Variants in RAPGEF1 observed in about 807,000 individuals in gnomAD.
The protein encoded by RAPGEF1 is CRK SH3-binding GNRP.
A neutral mutation model predicts 143.3 loss-of-function variants in RAPGEF1; 33 were observed. That is an observed-to-expected ratio of 0.23 (90% confidence interval 0.17 to 0.31). RAPGEF1 has a LOEUF of 0.31. Among genes scored for constraint, RAPGEF1 ranks in the 10% least tolerant of loss-of-function variants. The pLI is 1.00. For synonymous variants in RAPGEF1, 629 were observed against 676.5 expected (o/e 0.93, Z 1.09); for missense variants, 1,199 against 1,645.4 (o/e 0.73, Z 4.69).
chr9:131,643,493 T>A, intron 3 of RAPGEF1, 76 bp from the exon 4 acceptor site: 1 of 1,373,978 alleles, frequency 7.3e-7, no homozygotes, highest in Non-Finnish European at 9.8e-7. Context: ...AGGAACATTT[T>A]CTTTAAACCA....
At chr9:131,586,257 A>AACACAC (rs55722149) in intron 22 of RAPGEF1, among the ~76,000 whole-genome samples, 21,172 of 91,170 alleles carry the variant, frequency 0.23, 3,186 homozygotes, top group East Asian at 0.33. Flanking sequence ...CTCTGTCTCA[A>AACACAC]ACACACACAC....
At chr9:131,732,635 C>T (rs945144068) in intron 1 of RAPGEF1, among the ~76,000 whole-genome samples, 7 of 152,200 alleles carry the variant, frequency 4.6e-5, no homozygotes, top group African/African-American at 1.4e-4. Flanking sequence ...CCCCAACTAA[C>T]TGCACACCAC....
chr9:131,642,438 G>C (rs985570408), intron 4 of RAPGEF1, among the ~76,000 whole-genome samples: 1 of 152,224 alleles, frequency 6.6e-6, no homozygotes, highest in Non-Finnish European at 1.5e-5. Context: ...ATCTTTGCCC[G>C]CCAGCAGGCT....
At chr9:131,642,993 C>A (rs1173398536) in intron 4 of RAPGEF1, among the ~76,000 whole-genome samples, 1 of 152,224 alleles carries the variant, frequency 6.6e-6, no homozygotes, top group Non-Finnish European at 1.5e-5. Context: ...TGACCACAAA[C>A]TTACACTGTG....
intron 12 of RAPGEF1, among the ~76,000 whole-genome samples, chr9:131,618,484 GA>G (rs1959552493): frequency 1.3e-5 from 2 of 152,332 alleles, no homozygotes; most frequent in South Asian, 4.1e-4. Context: ...ATACATCCCT[GA>G]GAGTCAAACC....
Position 131,626,097 on chromosome 9 carries a change from G to C in RAPGEF1, c.1527C>G (p.Asp509Glu), listed in dbSNP as rs559508150. 1 of 1,613,830 alleles carries C rather than the reference G, an allele frequency of 6.2e-7. No individual in the cohort carries two copies. Among genetic ancestry groups the C allele is most frequent in the African/African-American group, 1.3e-5 (1 of 74,908 alleles). The change falls in exon 10 of 27, where the codon GAC (aspartate) becomes GAG (glutamate). Residue 509 changes from aspartate (D) to glutamate (E), a missense_variant. By Grantham distance (45) the Asp-to-Glu change is conservative. Around this residue, in one of 6 missense-constraint regions of RAPGEF1, gnomAD observed 613 missense variants for 710.9 expected, o/e 0.86. Transcript: ENST00000683357. ...PSQYDNISGEDLQSTAPIPSV... is the reference protein window; with the variant it reads ...PSQYDNISGEELQSTAPIPSV... ...ATGGGATCGGGGCTGTGCTCTGCAG[G>C]TCCTCCCCAGAGATGTTGTCATACT...
In RAPGEF1 at chr9:131,630,322, C is replaced by T. The variant is rs768203706; in HGVS notation, c.654G>A (p.Glu218=). 8 of 1,613,258 alleles carry T rather than the reference C, an allele frequency of 5.0e-6. No homozygotes were observed. Among genetic ancestry groups the T allele is most frequent in the Non-Finnish European group, 4.2e-6 (5 of 1,179,446 alleles). The change falls in exon 6 of 27, where the codon GAG becomes GAA. Residue 218 remains glutamate (E), a splice_region_variant and synonymous_variant. Coordinates refer to ENST00000683357, the MANE Select transcript of RAPGEF1 (RefSeq NM_001377935.1). ...VIKAVLDGVK[E]LVRLTIEKQG... Reference sequence around the variant, plus strand: ...GCTTCTCGATGGTGAGCCTGACCAGCTCCTACCCCCACAAGAAAAAGGCAA... The same window carrying T: ...GCTTCTCGATGGTGAGCCTGACCAGTTCCTACCCCCACAAGAAAAAGGCAA...
intron 1 of RAPGEF1, among the ~76,000 whole-genome samples, chr9:131,715,299 C>T (rs577505753): frequency 3.3e-5 from 5 of 152,168 alleles, no homozygotes; most frequent in African/African-American, 7.2e-5. Context: ...TCTAGCAGGG[C>T]GACCTAATCT....
intron 1 of RAPGEF1, among the ~76,000 whole-genome samples, chr9:131,707,761 T>G (rs1314784090): frequency 6.6e-6 from 1 of 152,224 alleles, no homozygotes. Flanking sequence ...TTTATTAACG[T>G]GTATACAGGG....
intron 1 of RAPGEF1, among the ~76,000 whole-genome samples, chr9:131,733,842 A>T (rs1276382901): frequency 6.6e-6 from 1 of 152,290 alleles, no homozygotes; most frequent in East Asian, 1.9e-4. Context: ...TTTTTCTGCA[A>T]GCTCACACAT....
At chr9:131,687,813 A>T (rs1833477314) in intron 1 of RAPGEF1, among the ~76,000 whole-genome samples, 1 of 152,150 alleles carries the variant, frequency 6.6e-6, no homozygotes, top group Non-Finnish European at 1.5e-5. Context: ...AAAAAAATCA[A>T]TTTTCATATA....
At chr9:131,737,040 C>T (rs1212240129) in intron 1 of RAPGEF1, among the ~76,000 whole-genome samples, 6 of 152,190 alleles carry the variant, frequency 3.9e-5, no homozygotes, top group African/African-American at 1.4e-4. Context: ...AGGTCATCCT[C>T]ACTCCAGGCG....
chr9:131,644,044 G>C (rs1025706310), intron 3 of RAPGEF1, among the ~76,000 whole-genome samples: 1 of 152,202 alleles, frequency 6.6e-6, no homozygotes, highest in Non-Finnish European at 1.5e-5. Context: ...AGAGAAGCCA[G>C]AGCAGATGAC....
chr9:131,721,865 A>G (rs7037647), intron 1 of RAPGEF1, among the ~76,000 whole-genome samples: 42,128 of 152,084 alleles, frequency 0.28, 6,344 homozygotes, highest in Non-Finnish European at 0.34. Flanking sequence ...ATATGGGAGG[A>G]TGCATAGGTT....
At chr9:131,599,773 G>A (rs973643423) in intron 15 of RAPGEF1, among the ~76,000 whole-genome samples, 63 of 152,252 alleles carry the variant, frequency 4.1e-4, no homozygotes, top group Admixed American at 1.7e-3. Flanking sequence ...ATTCTGGCCC[G>A]TCTTGTGGTC....
intron 1 of RAPGEF1, among the ~76,000 whole-genome samples, chr9:131,737,916 C>T (rs966372407): frequency 6.6e-6 from 1 of 151,022 alleles, no homozygotes; most frequent in Non-Finnish European, 1.5e-5. Context: ...TGCAGTGAGC[C>T]GAGATCGCAC....
chr9:131,647,053 T>A (rs1418549372), intron 3 of RAPGEF1, among the ~76,000 whole-genome samples: 5 of 152,226 alleles, frequency 3.3e-5, no homozygotes, highest in African/African-American at 1.2e-4. Context: ...CCCTGCTCAC[T>A]GCTCATTGTA....
At chr9:131,693,803 C>T (rs1833946466) in intron 1 of RAPGEF1, among the ~76,000 whole-genome samples, 1 of 132,840 alleles carries the variant, frequency 7.5e-6, no homozygotes, top group Admixed American at 7.7e-5. Context: ...GGGAATCTGT[C>T]CCACTGCCAC....
At chr9:131,585,366 G>T (rs953723272) in intron 22 of RAPGEF1, among the ~76,000 whole-genome samples, 1 of 151,548 alleles carries the variant, frequency 6.6e-6, no homozygotes, top group East Asian at 1.9e-4. Context: ...TTTTGTAGGG[G>T]GGGGGCGTCT....
Sources: gnomAD v4.1 joint callset for allele counts (sites outside exome capture counted in the v4.1 genomes callset) on GRCh38, gnomAD v4.1.1 for gene constraint, gnomAD v4.1.1 regional missense constraint, MANE v1.5 for transcripts, NCBI Gene and HGNC (gene_info 2026-07-23, HGNC 2026-07-21) for gene names.